The following SLC5A12 variants were observed in gnomAD, a reference collection of about 807,000 sequenced individuals.
SLC5A12 encodes the protein sodium-coupled monocarboxylate transporter 2.
A neutral mutation model predicts 72.7 loss-of-function variants in SLC5A12; 46 were observed. That is an observed-to-expected ratio of 0.63 (90% CI 0.50 to 0.81). The LOEUF is 0.81. Among genes scored for constraint, SLC5A12 ranks in the 30% least tolerant of loss-of-function variants. SLC5A12 has a pLI of 0.00. For synonymous variants in SLC5A12, 275 were observed against 264.4 expected (o/e 1.04, Z -0.39); for missense variants, 683 against 740.7 (o/e 0.92, Z 0.90).
intron 3 of SLC5A12, among the ~76,000 whole-genome samples, chr11:26,709,768 G>C (rs541195177): frequency 6.6e-6 from 1 of 152,170 alleles, no homozygotes; most frequent in South Asian, 2.1e-4. Flanking sequence ...GGTTCCACTA[G>C]GAAGACTCTT....
At chr11:26,716,063 C>G (rs1049090148) in intron 1 of SLC5A12, among the ~76,000 whole-genome samples, 14 of 151,856 alleles carry the variant, frequency 9.2e-5, no homozygotes, top group Non-Finnish European at 1.9e-4. Context: ...TAACAAAAAC[C>G]AAAAATATGT....
At chr11:26,699,217 CAG>C (rs1854900539) in intron 6 of SLC5A12, among the ~76,000 whole-genome samples, 1 of 152,120 alleles carries the variant, frequency 6.6e-6, no homozygotes, top group Non-Finnish European at 1.5e-5. Context: ...TCCTCAATTC[CAG>C]AGAGGACATG....
At chr11:26,681,266 T>C in intron 11 of SLC5A12, 45 bp from the exon 12 acceptor site, 1 of 1,474,376 alleles carries the variant, frequency 6.8e-7, no homozygotes, top group Non-Finnish European at 9.0e-7. Context: ...GGCAAAGCTG[T>C]CTATGGAAAG....
chr11:26,709,582 C>T (rs1028132920), intron 3 of SLC5A12, among the ~76,000 whole-genome samples: 9 of 152,172 alleles, frequency 5.9e-5, no homozygotes, highest in Non-Finnish European at 7.4e-5. Flanking sequence ...CTAGTCCATA[C>T]ATTTCATGTA....
chr11:26,683,803 A>G lies in SLC5A12; in HGVS notation c.1262T>C (p.Leu421Pro). Reference sequence around the variant, plus strand: ...CACGATTCCCAGGGAGAATAAGCCCAGCATTGGTCCTCCACACATGCCGTG... The same window carrying G: ...CACGATTCCCAGGGAGAATAAGCCCGGCATTGGTCCTCCACACATGCCGTG... ...SIHGMCGGPMLGLFSLGIVFP... is the reference protein window; with the variant it reads ...SIHGMCGGPMPGLFSLGIVFP... Residue 421 changes from leucine (L) to proline (P), a missense_variant, in exon 11 of 15, where the codon CTG (leucine) becomes CCG (proline). By Grantham distance (98) the Leu-to-Pro change is moderately conservative (BLOSUM62 -3). Coordinates refer to ENST00000396005, the MANE Select transcript of SLC5A12 (RefSeq NM_178498.4). 1 of 1,599,112 alleles carries G rather than the reference A, an allele frequency of 6.3e-7. No individual in the cohort carries two copies. The highest frequency in any genetic ancestry group is 8.5e-7 in the Non-Finnish European group (1 of 1,173,240).
chr11:26,681,094 G>T lies in SLC5A12; in HGVS notation c.1436C>A (p.Ser479Ter). ...LPLSTDQCIKSNVTATGPPVL... is the reference protein window; with the variant it reads ...LPLSTDQCIK ...TGGAGGCCCTGTTGCTGTCACATTT[G>T]ATTTGATACATTGGTCTGTTGACAG... Residue 479 changes from serine to a stop codon, truncating the protein, a stop_gained, in exon 12 of 15, where the codon TCA becomes TAA. Coordinates refer to ENST00000396005, the MANE Select transcript of SLC5A12 (RefSeq NM_178498.4). LOFTEE classifies it high-confidence loss of function. The T allele has an allele frequency of 6.2e-7, 1 of 1,610,100 alleles. No individual in the cohort carries two copies. The highest frequency in any genetic ancestry group is 8.5e-7 in the Non-Finnish European group (1 of 1,178,002).
chr11:26,710,860 T>C (rs190459650), intron 3 of SLC5A12, among the ~76,000 whole-genome samples: 9 of 152,198 alleles, frequency 5.9e-5, no homozygotes, highest in African/African-American at 2.2e-4. Context: ...TTTTTTTCTT[T>C]CCTTTTTGTT....
At chr11:26,696,935 C>T (rs552554502) in intron 8 of SLC5A12, among the ~76,000 whole-genome samples, 39 of 152,238 alleles carry the variant, frequency 2.6e-4, no homozygotes, top group African/African-American at 9.1e-4. Context: ...ACTAACTCAC[C>T]ATAGGTAATT....
At chr11:26,710,363 C>A (rs903264744) in intron 3 of SLC5A12, among the ~76,000 whole-genome samples, 1 of 152,078 alleles carries the variant, frequency 6.6e-6, no homozygotes, top group African/African-American at 2.4e-5. Flanking sequence ...TGATTATAAT[C>A]CTTTGGGTGC....
chr11:26,679,441 G>A (rs1854339563), intron 12 of SLC5A12, among the ~76,000 whole-genome samples: 1 of 152,048 alleles, frequency 6.6e-6, no homozygotes, highest in Non-Finnish European at 1.5e-5. Context: ...ACCATGAATA[G>A]GTTGAAATTC....
intron 5 of SLC5A12, 23 bp downstream of exon 5, chr11:26,703,770 T>A: frequency 6.2e-7 from 1 of 1,613,242 alleles, no homozygotes; most frequent in Non-Finnish European, 8.5e-7. Context: ...TTGTAAAGTA[T>A]GAAAAAGTTG....
In SLC5A12 at chr11:26,671,156, A is replaced by G. The variant is rs1246742742; in HGVS notation, c.1803T>C (p.Tyr601=). The G allele has an allele frequency of 9.9e-6, 16 of 1,612,776 alleles. No individual in the cohort carries two copies. Among genetic ancestry groups the G allele is most frequent in the Admixed American group, 1.7e-5 (1 of 59,876 alleles). ...RRESLVHVPG[Y]DPKDKSYNNM... ...TGTTGTAGCTTTTGTCCTTAGGATC[A>G]TAGCCTGGAACATGTACCAGGCTTT... is the stretch of plus-strand genomic sequence containing the variant. Residue 601 remains tyrosine, a synonymous_variant, in exon 15 of 15, where the codon TAT becomes TAC. Transcript: ENST00000396005.
chr11:26,692,347 A>C (rs908884348), intron 9 of SLC5A12, 142 bp downstream of exon 9: 15 of 632,362 alleles, frequency 2.4e-5, no homozygotes, highest in Non-Finnish European at 4.0e-5. Flanking sequence ...TGGAAGTGTA[A>C]GAATCTATGT....
At chr11:26,680,316 T>C (rs11029674) in intron 12 of SLC5A12, among the ~76,000 whole-genome samples, 3,119 of 133,622 alleles carry the variant, frequency 0.023, 296 homozygotes, top group African/African-American at 0.095. Flanking sequence ...TATATATATA[T>C]GTATATATAT....
At chr11:26,702,246 G>C (rs535333809) in intron 6 of SLC5A12, among the ~76,000 whole-genome samples, 1 of 152,296 alleles carries the variant, frequency 6.6e-6, no homozygotes, top group South Asian at 2.1e-4. Context: ...TATATTACCA[G>C]TGAATTGATG....
chr11:26,672,608 AT>A (rs1298092610), intron 14 of SLC5A12, among the ~76,000 whole-genome samples: 1 of 152,022 alleles, frequency 6.6e-6, no homozygotes, highest in East Asian at 1.9e-4. Context: ...TACAAAAGAC[AT>A]GTTCTTCCTC....
chr11:26,683,670 GC>G, intron 11 of SLC5A12, 86 bp downstream of exon 11: 1 of 1,084,814 alleles, frequency 9.2e-7, no homozygotes, highest in Non-Finnish European at 1.4e-6. Context: ...AAGACAGATA[GC>G]TTTTCTAAAC....
chr11:26,689,874 T>C (rs1854624845), intron 9 of SLC5A12, among the ~76,000 whole-genome samples: 2 of 152,094 alleles, frequency 1.3e-5, no homozygotes, highest in South Asian at 2.1e-4. Context: ...CTAGGCAATG[T>C]GTATATGAGA....
At position 26,680,374 on chromosome 11, in the gene SLC5A12, TATATATATGTATATATATTC is replaced by T. The variant is rs1436472112; in HGVS notation, c.1475+661_1475+680del. Among the ~76,000 whole-genome samples the T allele has an allele frequency of 7.2e-3, 709 of 98,896 alleles. 27 individuals are homozygous for T. Among genetic ancestry groups the T allele is most frequent in the African/African-American group, 0.014 (458 of 33,918 alleles). The allele number at this position is 98,896 out of a possible 152,430, so 64.9% of individuals were successfully genotyped here. On this transcript the variant is annotated intron_variant, in intron 12 of 14. Coordinates refer to ENST00000396005, the MANE Select transcript of SLC5A12 (RefSeq NM_178498.4). ...TCATATATATATGTATATATATTCA[TATATATATGTATATATATTC>T]ATATATATATATATATTTCCTCATT...
Sources: gnomAD v4.1 joint callset for allele counts (sites outside exome capture counted in the v4.1 genomes callset) on GRCh38, gnomAD v4.1.1 for gene constraint, MANE v1.5 for transcripts, NCBI Gene and HGNC (gene_info 2026-07-23, HGNC 2026-07-21) for gene names.